The following ASPRV1 variants were observed in gnomAD, a reference collection of about 807,000 sequenced individuals.
ASPRV1 encodes retroviral-like aspartic protease 1.
ASPRV1 carries 7 observed loss-of-function variants against 11.0 expected under a neutral mutation model. That is an observed-to-expected ratio of 0.64 (90% CI 0.36 to 1.20). The LOEUF (loss-of-function observed/expected upper bound fraction) is 1.20, where lower values mean the gene tolerates loss of function less well. ASPRV1 is among the 50% of genes most tolerant of loss of function. ASPRV1 has a pLI of 0.02. For synonymous variants in ASPRV1, 136 were observed against 138.4 expected, an observed-to-expected ratio of 0.98 and a Z score of 0.12; for missense variants, 299 against 320.0, an observed-to-expected ratio of 0.93 and a Z score of 0.50.
At chr2:69,977,305 T>G in the ASPRV1 span, among the ~76,000 whole-genome samples, 1 of 152,176 alleles carries the variant, frequency 6.6e-6, no homozygotes, top group East Asian at 1.9e-4. Flanking sequence ...ACAAGCACAT[T>G]TAAGTAAACA....
chr2:70,053,078 C>T, the ASPRV1 span, among the ~76,000 whole-genome samples: 1 of 152,268 alleles, frequency 6.6e-6, no homozygotes, highest in Admixed American at 6.5e-5. Flanking sequence ...CTCAACCCCC[C>T]ATATCCACCG....
At chr2:70,041,509 G>A in the ASPRV1 span, among the ~76,000 whole-genome samples, 1 of 152,152 alleles carries the variant, frequency 6.6e-6, no homozygotes, top group Non-Finnish European at 1.5e-5. Flanking sequence ...ACAAGATATA[G>A]AAGAGAAATT....
chr2:70,028,706 T>C, the ASPRV1 span: 1 of 152,270 alleles, frequency 6.6e-6, no homozygotes, highest in African/African-American at 2.4e-5. Context: ...GGGTTCCTGA[T>C]AAAAGGATAA....
Position 69,961,232 on chromosome 2 carries a change from GC to G in ASPRV1, c.204del (p.Arg68SerfsTer13). 1 of 1,614,042 alleles carries G rather than the reference GC, an allele frequency of 6.2e-7. No homozygotes were observed. Among genetic ancestry groups the G allele is most frequent in the Middle Eastern group, 1.7e-4 (1 of 6,060 alleles). On this transcript the variant is annotated frameshift_variant, in exon 1 of 1. Coordinates refer to ENST00000320256, the MANE Select transcript of ASPRV1 (RefSeq NM_152792.4). LOFTEE classifies it high-confidence loss of function. ...TAGTCTCCCTGGTCCTGGGGACTGA[GC>G]CTATTGTAGACACCCAGGGCCTCTC... ...LRGEALGVYN[R>X]LSPQDQGDYG...
chr2:70,060,916 C>T, the ASPRV1 span, among the ~76,000 whole-genome samples: 1 of 152,332 alleles, frequency 6.6e-6, no homozygotes, highest in South Asian at 2.1e-4. Flanking sequence ...AGTGTCTCTA[C>T]ATACTAGGCC....
chr2:70,070,587 T>C, the ASPRV1 span: 3,731 of 152,046 alleles, frequency 0.025, 345 homozygotes, highest in Admixed American at 0.17. Flanking sequence ...ATGAGGTCAG[T>C]AGGTCGAGAC....
chr2:69,995,834 TA>T, the ASPRV1 span, among the ~76,000 whole-genome samples: 1 of 152,164 alleles, frequency 6.6e-6, no homozygotes, highest in Non-Finnish European at 1.5e-5. Flanking sequence ...AGGCCAGCGT[TA>T]GGGGGAGAAA....
chr2:70,081,685 G>T, the ASPRV1 span, among the ~76,000 whole-genome samples: 1 of 151,968 alleles, frequency 6.6e-6, no homozygotes, highest in Admixed American at 6.6e-5. Context: ...CCGGGCTCAA[G>T]TGATTCTCCC....
the ASPRV1 span, among the ~76,000 whole-genome samples, chr2:70,052,428 A>C: frequency 6.6e-6 from 1 of 152,190 alleles, no homozygotes; most frequent in Non-Finnish European, 1.5e-5. Context: ...AAAATTACAC[A>C]TATATATGCT....
the ASPRV1 span, among the ~76,000 whole-genome samples, chr2:70,076,832 G>A: frequency 3.9e-5 from 6 of 152,304 alleles, no homozygotes; most frequent in South Asian, 1.2e-3. Context: ...GCTTGTTGCT[G>A]CAGCCCAGCA....
At chr2:70,086,815 C>A in the ASPRV1 span, among the ~76,000 whole-genome samples, 3 of 152,370 alleles carry the variant, frequency 2.0e-5, no homozygotes, top group South Asian at 6.2e-4. Flanking sequence ...GTTTCTAGCA[C>A]GCCCCACAAA....
the ASPRV1 span, among the ~76,000 whole-genome samples, chr2:70,006,716 G>A: frequency 1.2e-4 from 18 of 152,198 alleles, no homozygotes; most frequent in East Asian, 1.9e-4. Flanking sequence ...CAGGAAGCAA[G>A]TGGGATCTGT....
At chr2:70,062,743 T>A in the ASPRV1 span, among the ~76,000 whole-genome samples, 3 of 152,048 alleles carry the variant, frequency 2.0e-5, no homozygotes, top group Admixed American at 6.6e-5. Flanking sequence ...TGTGCTATGA[T>A]CACGCCTGTG....
chr2:70,032,936 T>C, the ASPRV1 span, among the ~76,000 whole-genome samples: 5 of 152,078 alleles, frequency 3.3e-5, no homozygotes, highest in African/African-American at 4.8e-5. Context: ...TCCTGAAGCA[T>C]ACACAGAGCA....
chr2:69,964,295 C>T (rs1558582809), upstream of ASPRV1: 2 of 448,542 alleles, frequency 4.5e-6, no homozygotes, highest in Non-Finnish European at 8.9e-6. Flanking sequence ...GCAGATGGCC[C>T]TTCGGGCTGT....
chr2:69,978,716 G>A, the ASPRV1 span, among the ~76,000 whole-genome samples: 9 of 152,170 alleles, frequency 5.9e-5, no homozygotes, highest in Admixed American at 1.3e-4. Flanking sequence ...CCGAACACCG[G>A]AAGCAAACCT....
At position 69,961,344 on chromosome 2, in the gene ASPRV1, G is replaced by C; in HGVS notation, c.93C>G (p.Leu31=). Residue 31 remains leucine (L), a synonymous_variant, in exon 1 of 1, where the codon CTC becomes CTG. Coordinates refer to ENST00000320256, the MANE Select transcript of ASPRV1 (RefSeq NM_152792.4). ...PFDGANVVPN[L]WLHSFEVIND... ...TGATGACTTCAAAGCTGTGCAGCCA[G>C]AGGTTTGGGACGACATTGGCCCCAT... 6.2e-7 allele frequency: 1 copy of C among 1,614,178 alleles called. No individual in the cohort carries two copies. Among genetic ancestry groups the C allele is most frequent in the Non-Finnish European group, 8.5e-7 (1 of 1,180,034 alleles).
At chr2:69,998,586 G>A in the ASPRV1 span, among the ~76,000 whole-genome samples, 1 of 152,010 alleles carries the variant, frequency 6.6e-6, no homozygotes, top group Non-Finnish European at 1.5e-5. Flanking sequence ...AAAATTAGCC[G>A]GGCACGGTGG....
At chr2:70,053,793 C>T in the ASPRV1 span, 1 of 152,218 alleles carries the variant, frequency 6.6e-6, no homozygotes, top group Non-Finnish European at 1.5e-5. Context: ...CACACTTGGT[C>T]TGCAAGTGGA....
Sources: allele counts gnomAD v4.1 joint callset (sites outside exome capture counted in the v4.1 genomes callset), GRCh38; gene constraint gnomAD v4.1.1; transcripts MANE v1.5; gene names NCBI Gene and HGNC (gene_info 2026-07-23, HGNC 2026-07-21).